The following GNG4 variants were observed in gnomAD, a reference collection of about 807,000 sequenced individuals.
GNG4 encodes G protein subunit gamma 4, also known as guanine nucleotide-binding protein G(I)/G(S)/G(O) subunit gamma-4.
GNG4 carries 4 observed loss-of-function variants against 5.8 expected under a neutral mutation model. That is an observed-to-expected ratio of 0.69 (90% CI 0.34 to 1.57). GNG4 has a LOEUF of 1.57. GNG4 is among the 40% of genes most tolerant of loss of function. The probability of loss-of-function intolerance (pLI) is 0.06; values close to 1 mark genes in which losing one functional copy is unlikely to be tolerated. For missense variants in GNG4, 96 were observed against 95.1 expected, an observed-to-expected ratio of 1.01 and a Z score of -0.04; for synonymous variants, 29 against 32.9, an observed-to-expected ratio of 0.88 and a Z score of 0.41.
intron 3 of GNG4, among the ~76,000 whole-genome samples, chr1:235,555,819 C>A (rs1028835323): frequency 6.6e-6 from 1 of 152,024 alleles, no homozygotes; most frequent in Non-Finnish European, 1.5e-5. Context: ...ATATCTATTA[C>A]CTCACATACT....
At chr1:235,553,804 G>A (rs1686821082) in intron 3 of GNG4, among the ~76,000 whole-genome samples, 1 of 152,220 alleles carries the variant, frequency 6.6e-6, no homozygotes. Context: ...TAAGCTAGCT[G>A]TGTGACCTTG....
intron 3 of GNG4, among the ~76,000 whole-genome samples, chr1:235,569,158 A>G (rs1312606275): frequency 6.6e-6 from 1 of 152,080 alleles, no homozygotes; most frequent in Admixed American, 6.6e-5. Flanking sequence ...GAAATGGGGT[A>G]CTGATAGCAC....
intron 1 of GNG4, among the ~76,000 whole-genome samples, chr1:235,609,243 A>G (rs1268575441): frequency 2.6e-5 from 4 of 152,028 alleles, no homozygotes; most frequent in African/African-American, 9.7e-5. Context: ...GGTGCACCAC[A>G]TTTAGTTTAT....
intron 3 of GNG4, among the ~76,000 whole-genome samples, chr1:235,575,301 G>A (rs906742150): frequency 2.0e-5 from 3 of 152,160 alleles, no homozygotes; most frequent in Non-Finnish European, 4.4e-5. Context: ...TAAACCCATC[G>A]TAAGTTGAAA....
Position 235,649,415 on chromosome 1 carries a change from G to T in GNG4, c.-123+247C>A, listed in dbSNP as rs1203791612. Among the ~76,000 whole-genome samples the T allele has an allele frequency of 2.0e-5, 3 of 151,908 alleles. No individual in the cohort carries two copies. The highest frequency in any genetic ancestry group is 2.0e-4 in the Admixed American group (3 of 15,266). On this transcript the variant is annotated intron_variant, in intron 1 of 3. Transcript: ENST00000391854. The surrounding 1 kb of genome is among the most constrained non-coding windows in gnomAD (Gnocchi z 5.7). ...CCGGAAGCCCCTGGACGCGCTCCGA[G>T]GGGGCTGTCCACACCCGCGCGCGGG... is the stretch of plus-strand genomic sequence containing the variant.
At chr1:235,632,133 TG>T (rs1436871531) in intron 1 of GNG4, among the ~76,000 whole-genome samples, 1 of 152,152 alleles carries the variant, frequency 6.6e-6, no homozygotes, top group African/African-American at 2.4e-5. Flanking sequence ...TCAACCAGGC[TG>T]GGGTGCAGCG....
At chr1:235,576,295 C>T (rs781668904) in intron 3 of GNG4, among the ~76,000 whole-genome samples, 41 of 151,948 alleles carry the variant, frequency 2.7e-4, no homozygotes, top group Non-Finnish European at 5.4e-4. Context: ...ATCTCCTGAC[C>T]TTGAGATCTG....
At chr1:235,580,524 C>T (rs1384404171) in intron 3 of GNG4, among the ~76,000 whole-genome samples, 5 of 152,206 alleles carry the variant, frequency 3.3e-5, no homozygotes, top group Admixed American at 3.3e-4. Context: ...GGCACAGATG[C>T]GGTTCCTAGG....
chr1:235,552,723 A>G (rs1482065383), intron 3 of GNG4, among the ~76,000 whole-genome samples: 3 of 152,162 alleles, frequency 2.0e-5, no homozygotes, highest in East Asian at 3.8e-4. Context: ...GTATTTAGCT[A>G]TATTTTATAA....
intron 3 of GNG4, among the ~76,000 whole-genome samples, chr1:235,565,518 C>A (rs1687172479): frequency 6.6e-6 from 1 of 152,006 alleles, no homozygotes; most frequent in Non-Finnish European, 1.5e-5. Context: ...AAAAAACAAA[C>A]AAACAAGCAA....
intron 3 of GNG4, among the ~76,000 whole-genome samples, chr1:235,552,739 C>T (rs931763699): frequency 5.3e-5 from 8 of 151,998 alleles, no homozygotes; most frequent in East Asian, 3.9e-4. Context: ...TATAAGCACA[C>T]GTTTTATTTT....
intron 1 of GNG4, among the ~76,000 whole-genome samples, chr1:235,597,166 T>C (rs545925113): frequency 6.6e-6 from 1 of 152,188 alleles, no homozygotes; most frequent in African/African-American, 2.4e-5. Context: ...ATGAGTTCAT[T>C]CCCCAAGGGT....
chr1:235,638,029 C>T (rs1188858144), intron 1 of GNG4, among the ~76,000 whole-genome samples: 1 of 152,242 alleles, frequency 6.6e-6, no homozygotes, highest in East Asian at 1.9e-4. Flanking sequence ...CGGACCCTGG[C>T]TCCTGCCTGC....
At chr1:235,638,975 T>A (rs1414219488) in intron 1 of GNG4, among the ~76,000 whole-genome samples, 1 of 152,200 alleles carries the variant, frequency 6.6e-6, no homozygotes, top group African/African-American at 2.4e-5. Flanking sequence ...TACATGTGCA[T>A]GTGTCTTTAT....
intron 2 of GNG4, among the ~76,000 whole-genome samples, chr1:235,585,801 C>T (rs185898486): frequency 2.0e-5 from 3 of 152,168 alleles, no homozygotes; most frequent in East Asian, 1.9e-4. Flanking sequence ...TGATATATTA[C>T]CAAATTCTAT....
upstream of GNG4, chr1:235,649,794 C>T (rs533444333): frequency 4.9e-4 from 73 of 150,266 alleles, no homozygotes; most frequent in African/African-American, 1.5e-3. This position sits in a 1 kb window ranked among gnomAD's most constrained non-coding sequence, Gnocchi z 5.7. Flanking sequence ...CCCCTCCCGC[C>T]GCCCGCGGGG....
chr1:235,613,246 G>T (rs1363480295), intron 1 of GNG4, among the ~76,000 whole-genome samples: 2 of 152,060 alleles, frequency 1.3e-5, no homozygotes, highest in African/African-American at 4.8e-5. Context: ...ACCAGTCAGG[G>T]GCCATTTTTA....
chr1:235,560,735 A>C (rs1314383102), intron 3 of GNG4, among the ~76,000 whole-genome samples: 2 of 152,126 alleles, frequency 1.3e-5, no homozygotes, highest in Non-Finnish European at 2.9e-5. Flanking sequence ...TCTAAGTGCA[A>C]CTTTCATTTT....
intron 1 of GNG4, among the ~76,000 whole-genome samples, chr1:235,612,688 A>G (rs1688504362): frequency 6.6e-6 from 1 of 151,944 alleles, no homozygotes; most frequent in African/African-American, 2.4e-5. Context: ...ACGCCTGGCT[A>G]AGTTTTGTAT....
Sources: gnomAD v4.1 joint callset for allele counts (sites outside exome capture counted in the v4.1 genomes callset) on GRCh38, gnomAD v4.1.1 for gene constraint, Gnocchi (gnomAD v3.1) non-coding constraint, MANE v1.5 for transcripts, NCBI Gene and HGNC (gene_info 2026-07-23, HGNC 2026-07-21) for gene names.